The following SLC2A12 variants were observed in gnomAD, a reference collection of about 807,000 sequenced individuals.
The protein encoded by SLC2A12 is solute carrier family 2, facilitated glucose transporter member 12.
SLC2A12 carries 23 observed loss-of-function variants against 41.8 expected under a neutral mutation model. The observed-to-expected ratio is 0.55, with a 90% CI of 0.40 to 0.78. SLC2A12 has a LOEUF of 0.78. Among genes scored for constraint, SLC2A12 ranks in the 30% least tolerant of loss-of-function variants. The pLI is 0.00. For synonymous variants in SLC2A12, 295 were observed against 285.9 expected (o/e 1.03, Z -0.32); for missense variants, 654 against 745.6 (o/e 0.88, Z 1.43).
rs575186183 is a variant in SLC2A12, at chr6:134,023,961, A to G, written c.1444+4420T>C. On this transcript the variant is annotated intron_variant, in intron 2 of 4. Coordinates refer to ENST00000275230, the MANE Select transcript of SLC2A12 (RefSeq NM_145176.3). The stretch of plus-strand genomic sequence containing the variant: ...CTGGGTAGCTCTGGATTAGGGTTGG[A>G]AAGAAGAGAAATTTGCATGATTTGG... Among the ~76,000 whole-genome samples, 7 of 152,296 alleles carry G rather than the reference A, an allele frequency of 4.6e-5. No individual in the cohort carries two copies. In the South Asian group the frequency reaches 1.4e-3, roughly 32 times the overall value.
chr6:134,031,957 A>G (rs1777214562), intron 1 of SLC2A12, among the ~76,000 whole-genome samples: 1 of 152,224 alleles, frequency 6.6e-6, no homozygotes, highest in Admixed American at 6.5e-5. Flanking sequence ...GACTAGTGCC[A>G]GCAAAGGAGA....
chr6:134,046,748 T>C lies in SLC2A12; in HGVS notation c.103+5630A>G, dbSNP rs555389076. Among the ~76,000 whole-genome samples, 50 of 152,048 alleles carry C rather than the reference T, an allele frequency of 3.3e-4. No individual in the cohort carries two copies. In the East Asian group the frequency reaches 8.3e-3, roughly 25 times the overall value. ...ACTGCTTGAACCCAGGAGGTGGAGG[T>C]TGCGGTGAGCTGAGGCTATACTCCA... On this transcript the variant is annotated intron_variant, in intron 1 of 4. Coordinates refer to ENST00000275230, the MANE Select transcript of SLC2A12 (RefSeq NM_145176.3).
chr6:134,025,641 G>A (rs889551210), intron 2 of SLC2A12, among the ~76,000 whole-genome samples: 3 of 152,120 alleles, frequency 2.0e-5, no homozygotes, highest in African/African-American at 7.2e-5. Context: ...TGCCTCCCAG[G>A]TTCAAGAGAT....
intron 1 of SLC2A12, among the ~76,000 whole-genome samples, chr6:134,032,468 T>TATATATATATAAATATA (rs1562201761): frequency 2.9e-5 from 1 of 34,302 alleles, no homozygotes; most frequent in African/African-American, 1.4e-4. Flanking sequence ...ATATATATTT[T>TATATATATATAAATATA]TATATATATA....
Position 134,028,750 on chromosome 6 carries a change from C to T in SLC2A12, c.1075G>A (p.Val359Met). Residue 359 changes from valine to methionine, a missense_variant, in exon 2 of 5, where the codon GTG becomes ATG. Val to Met is a conservative substitution (Grantham distance 21). Around this residue, in one of 3 missense-constraint regions of SLC2A12, gnomAD observed 411 missense variants for 412.1 expected, o/e 1.00. Coordinates refer to ENST00000275230, the MANE Select transcript of SLC2A12 (RefSeq NM_145176.3). The stretch of plus-strand genomic sequence containing the variant: ...TTGAGATTTACGATGCCCATGGTCA[C>T]CAACGAAGCTGCCATCACAGAGGAG... ...IGSSVMAASL[V>M]TMGIVNLNIH... is the part of the protein sequence containing the mutation. The T allele has an allele frequency of 6.2e-7, 1 of 1,614,126 alleles. No homozygotes were observed. The highest frequency in any genetic ancestry group is 8.5e-7 in the Non-Finnish European group (1 of 1,180,016).
chr6:134,016,019 TAGAA>T (rs1487252377), intron 2 of SLC2A12, among the ~76,000 whole-genome samples: 1 of 152,172 alleles, frequency 6.6e-6, no homozygotes, highest in African/African-American at 2.4e-5. Context: ...TTGTTTCGAA[TAGAA>T]AGAAAGACAT....
chr6:134,046,238 G>A (rs1777453202), intron 1 of SLC2A12, among the ~76,000 whole-genome samples: 1 of 152,310 alleles, frequency 6.6e-6, no homozygotes, highest in African/African-American at 2.4e-5. Flanking sequence ...AACAGCTCCA[G>A]AGCCCAGTGA....
At chr6:134,021,786 A>G (rs1777043741) in intron 2 of SLC2A12, among the ~76,000 whole-genome samples, 1 of 152,234 alleles carries the variant, frequency 6.6e-6, no homozygotes, top group Admixed American at 6.5e-5. Context: ...TAGTTCATAC[A>G]AATAAAGACC....
At chr6:134,049,654 T>C (rs753385685) in intron 1 of SLC2A12, among the ~76,000 whole-genome samples, 3 of 150,334 alleles carry the variant, frequency 2.0e-5, no homozygotes, top group East Asian at 1.9e-4. Context: ...CCATGAAAGC[T>C]GAAAAAATTT....
chr6:134,052,463 G>A lies in SLC2A12; in HGVS notation c.18C>T (p.Asn6=). 6.2e-7 allele frequency: 1 copy of A among 1,613,234 alleles called. No homozygotes were observed. Among genetic ancestry groups the A allele is most frequent in the Non-Finnish European group, 8.5e-7 (1 of 1,180,004 alleles). ...GGTTCAGCAGACTGGGGCCCTCGGT[G>A]TTTTCAACAGGTACCATGGTCACGT... MVPVE[N]TEGPSLLNQK... is the part of the protein sequence containing the mutation. Residue 6 remains asparagine (N), a synonymous_variant, in exon 1 of 5, where the codon AAC becomes AAT. Transcript: ENST00000275230.
chr6:134,006,194 A>AC lies in SLC2A12; in HGVS notation c.1567+617_1567+618insG, dbSNP rs1491496260. Among the ~76,000 whole-genome samples the AC allele has an allele frequency of 7.0e-3, 640 of 90,940 alleles. 3 individuals are homozygous for AC. Among genetic ancestry groups the AC allele is most frequent in the African/African-American group, 0.021 (565 of 26,394 alleles). The allele number at this position is 90,940 out of a possible 152,430, so 59.7% of individuals were successfully genotyped here. On this transcript the variant is annotated intron_variant, in intron 3 of 4. Transcript: ENST00000275230. The stretch of plus-strand genomic sequence containing the variant: ...ACTATCGGAAAAAAAAAAAAAAAAC[A>AC]AAAAAAAAAACAGAGAAACAGAGAG...
intron 2 of SLC2A12, among the ~76,000 whole-genome samples, chr6:134,010,313 C>T (rs775847026): frequency 6.6e-6 from 1 of 152,192 alleles, no homozygotes; most frequent in South Asian, 2.1e-4. Context: ...AGTAGTGGCT[C>T]TCTCTGGGAA....
At chr6:134,049,655 G>T (rs1773646395) in intron 1 of SLC2A12, among the ~76,000 whole-genome samples, 1 of 152,086 alleles carries the variant, frequency 6.6e-6, no homozygotes, top group Non-Finnish European at 1.5e-5. Context: ...CATGAAAGCT[G>T]AAAAAATTTA....
At chr6:134,003,526 G>T (rs1582599186) in intron 3 of SLC2A12, among the ~76,000 whole-genome samples, 1 of 152,148 alleles carries the variant, frequency 6.6e-6, no homozygotes, top group African/African-American at 2.4e-5. Context: ...TCCTAAATCT[G>T]CCTTTCAGAG....
intron 3 of SLC2A12, among the ~76,000 whole-genome samples, chr6:134,002,976 T>G (rs1776770841): frequency 6.6e-6 from 1 of 152,164 alleles, no homozygotes; most frequent in African/African-American, 2.4e-5. Flanking sequence ...CCATTTGCAT[T>G]GTGGCGGCCC....
At chr6:134,005,796 G>A (rs926559337) in intron 3 of SLC2A12, among the ~76,000 whole-genome samples, 1 of 148,174 alleles carries the variant, frequency 6.7e-6, no homozygotes, top group African/African-American at 2.5e-5. Flanking sequence ...ACCTAAACAT[G>A]ACTTTTGTTA....
intron 1 of SLC2A12, among the ~76,000 whole-genome samples, chr6:134,037,028 C>T (rs1362067652): frequency 2.0e-5 from 3 of 152,116 alleles, no homozygotes; most frequent in African/African-American, 2.4e-5. Context: ...CCATCTACAC[C>T]ACTAGCTGTT....
chr6:134,028,451 A>G lies in SLC2A12; in HGVS notation c.1374T>C (p.Ala458=). The change falls in exon 2 of 5, where the codon GCT becomes GCC. Residue 458 remains alanine (A), a synonymous_variant. Transcript: ENST00000275230. Reference sequence around the variant, plus strand: ...TGGCTAAGGACAGCCATTTCAAAAAAGCTGGGACGTCCCCAGGGTCTGTGA... The same window carrying G: ...TGGCTAAGGACAGCCATTTCAAAAAGGCTGGGACGTCCCCAGGGTCTGTGA... The part of the protein sequence containing the change: ...QIVTDPGDVP[A]FLKWLSLASL... 6.2e-7 allele frequency: 1 copy of G among 1,614,160 alleles called. No individual in the cohort carries two copies. Among genetic ancestry groups the G allele is most frequent in the South Asian group, 1.1e-5 (1 of 91,048 alleles).
At chr6:134,025,010 T>G (rs1015946760) in intron 2 of SLC2A12, among the ~76,000 whole-genome samples, 1 of 152,218 alleles carries the variant, frequency 6.6e-6, no homozygotes, top group Non-Finnish European at 1.5e-5. Flanking sequence ...CTTCTTCTCT[T>G]TCATCCTATA....
Sources: allele counts gnomAD v4.1 joint callset (sites outside exome capture counted in the v4.1 genomes callset), GRCh38; gene constraint gnomAD v4.1.1; regional missense constraint gnomAD v4.1.1; transcripts MANE v1.5; gene names NCBI Gene and HGNC (gene_info 2026-07-23, HGNC 2026-07-21).